The following USH2A variants were observed in gnomAD, a reference collection of about 807,000 sequenced individuals.
The protein encoded by USH2A is usherin.
In USH2A, 443 loss-of-function variants were observed where a neutral mutation model predicts 538.9. The observed-to-expected ratio is 0.82, with a 90% CI of 0.76 to 0.89. USH2A has a LOEUF of 0.89. USH2A is among the 40% of genes least tolerant of loss of function. The pLI, the probability that USH2A is intolerant of heterozygous loss-of-function variation, is 0.00. For synonymous variants in USH2A, 2,413 were observed against 2,273.5 expected (o/e 1.06, Z -1.75); for missense variants, 6,633 against 6,324.8 (o/e 1.05, Z -1.65).
intron 4 of USH2A, among the ~76,000 whole-genome samples, chr1:216,351,117 C>T (rs1453423448): frequency 6.6e-6 from 1 of 152,048 alleles, no homozygotes; most frequent in Non-Finnish European, 1.5e-5. Flanking sequence ...CTTCTGGATC[C>T]TGGGGTATAT....
At chr1:215,892,897 C>A (rs757893886) in intron 40 of USH2A, among the ~76,000 whole-genome samples, 1 of 152,068 alleles carries the variant, frequency 6.6e-6, no homozygotes, top group South Asian at 2.1e-4. Flanking sequence ...AACCAATATT[C>A]GGGAACTATT....
intron 50 of USH2A, among the ~76,000 whole-genome samples, chr1:215,796,993 C>T (rs1057309270): frequency 6.6e-6 from 1 of 152,138 alleles, no homozygotes; most frequent in Admixed American, 6.6e-5. Flanking sequence ...TCTTGTGGGT[C>T]TTATGGCCTT....
intron 32 of USH2A, among the ~76,000 whole-genome samples, chr1:216,016,074 T>A (rs1293855723): frequency 6.6e-6 from 1 of 151,998 alleles, no homozygotes; most frequent in Non-Finnish European, 1.5e-5. Context: ...ACCATCATTC[T>A]GGGCAAACTA....
In USH2A at chr1:216,256,321, C is replaced by CTTT. The variant is rs201852377; in HGVS notation, c.1972-5226_1972-5224dup. On this transcript the variant is annotated intron_variant, in intron 11 of 71. Transcript: ENST00000307340. ...CCATCTGCTTGGGATTTCTTTTTTC[C>CTTT]TTTTTTTTTTTTTTGCCTGTTTTGT... 2.7e-3 allele frequency among the ~76,000 whole-genome samples: 337 copies of CTTT among 125,526 alleles called. 2 individuals are homozygous for CTTT. The highest frequency in any genetic ancestry group is 5.7e-3 in the African/African-American group (193 of 34,086). The allele number at this position is 125,526 out of a possible 152,430, so 82.3% of individuals were successfully genotyped here.
intron 43 of USH2A, among the ~76,000 whole-genome samples, chr1:215,868,764 G>A (rs1393060650): frequency 7.9e-5 from 12 of 152,172 alleles, no homozygotes. Context: ...ACAGGGAGGT[G>A]ATGGCCATGT....
chr1:216,293,381 C>T (rs762179636), intron 9 of USH2A, among the ~76,000 whole-genome samples: 34 of 152,172 alleles, frequency 2.2e-4, no homozygotes, highest in Admixed American at 3.9e-4. Context: ...GAATCAGCTT[C>T]CAACATTTTA....
chr1:216,229,180 A>G (rs764065056), intron 14 of USH2A, among the ~76,000 whole-genome samples: 1 of 152,026 alleles, frequency 6.6e-6, no homozygotes, highest in Middle Eastern at 3.4e-3. Context: ...TGTCCAAAAA[A>G]AAAACCCCAC....
intron 49 of USH2A, among the ~76,000 whole-genome samples, chr1:215,809,116 T>G (rs780858146): frequency 6.6e-6 from 1 of 152,166 alleles, no homozygotes; most frequent in Non-Finnish European, 1.5e-5. Context: ...AACAGTAAAG[T>G]TACTGTATTT....
At chr1:215,989,062 A>G (rs1311302651) in intron 35 of USH2A, among the ~76,000 whole-genome samples, 8 of 152,342 alleles carry the variant, frequency 5.3e-5, no homozygotes, top group African/African-American at 1.9e-4. Context: ...CAAGGACTGG[A>G]CATTTATATT....
intron 60 of USH2A, among the ~76,000 whole-genome samples, chr1:215,729,030 TTTTGCGAG>T (rs1257032848): frequency 1.3e-5 from 2 of 152,324 alleles, no homozygotes; most frequent in Admixed American, 1.3e-4. Context: ...TATCCAGGCC[TTTTGCGAG>T]TATGCTCGTA....
chr1:216,420,488 G>C (rs1239829543), intron 2 of USH2A, among the ~76,000 whole-genome samples: 4 of 151,836 alleles, frequency 2.6e-5, no homozygotes, highest in Non-Finnish European at 5.9e-5. Context: ...AATTCCCAAA[G>C]GTATTTTAAT....
intron 55 of USH2A, among the ~76,000 whole-genome samples, chr1:215,773,219 C>T (rs1439472046): frequency 6.6e-6 from 1 of 152,086 alleles, no homozygotes; most frequent in East Asian, 1.9e-4. Flanking sequence ...AAGGACTGTA[C>T]ATGTTCAAGA....
chr1:215,631,227 A>AGTGT lies in USH2A; in HGVS notation c.15298-2196_15298-2193dup, dbSNP rs145355299. Among the ~76,000 whole-genome samples the AGTGT allele has an allele frequency of 8.8e-3, 1,310 of 148,542 alleles. 21 individuals carry two copies. The highest frequency in any genetic ancestry group is 0.065 in the South Asian group (306 of 4,686). ...CAGAGCTTGTCACATGAGGGGGAGA[A>AGTGT]GTGTGTGTGTGTGTGTGTGTGGGTG... On this transcript the variant is annotated intron_variant, in intron 70 of 71. Transcript: ENST00000307340.
chr1:215,912,519 A>ATT (rs374930277), intron 38 of USH2A, among the ~76,000 whole-genome samples: 1 of 67,570 alleles, frequency 1.5e-5, no homozygotes. Flanking sequence ...ATACGTGTAT[A>ATT]TATATATATA....
chr1:216,015,957 T>C (rs954175287), intron 32 of USH2A, among the ~76,000 whole-genome samples: 1 of 152,124 alleles, frequency 6.6e-6, no homozygotes, highest in Non-Finnish European at 1.5e-5. Flanking sequence ...CGTCCATCAA[T>C]GAAAGACTGG....
At chr1:215,722,991 T>C (rs1442575925) in intron 61 of USH2A, among the ~76,000 whole-genome samples, 1 of 152,166 alleles carries the variant, frequency 6.6e-6, no homozygotes, top group Non-Finnish European at 1.5e-5. Context: ...GTGTTCCCTG[T>C]AAATACCACC....
chr1:216,262,499 G>T (rs2036393425), intron 11 of USH2A, among the ~76,000 whole-genome samples: 1 of 151,906 alleles, frequency 6.6e-6, no homozygotes, highest in Admixed American at 6.6e-5. Context: ...TCAAAGACAG[G>T]TCTATTGAAA....
intron 21 of USH2A, among the ~76,000 whole-genome samples, chr1:216,130,669 T>C (rs2033356348): frequency 1.3e-5 from 2 of 148,872 alleles, no homozygotes; most frequent in African/African-American, 2.5e-5. Flanking sequence ...ATGCAATATA[T>C]ATCACGTATA....
At chr1:216,156,254 C>A (rs1341092434) in intron 21 of USH2A, among the ~76,000 whole-genome samples, 1 of 145,142 alleles carries the variant, frequency 6.9e-6, no homozygotes, top group East Asian at 2.0e-4. Context: ...GACTCCTTTA[C>A]TTTCCTTCTT....
Sources: allele counts gnomAD v4.1 joint callset (sites outside exome capture counted in the v4.1 genomes callset), GRCh38; gene constraint gnomAD v4.1.1; transcripts MANE v1.5; gene names NCBI Gene and HGNC (gene_info 2026-07-23, HGNC 2026-07-21).